CIRSR: variants seen among roughly 807,000 people sequenced by gnomAD.
The protein encoded by CIRSR is CBF1 (RBPJ) interacting corepressor 1.
chr2:174,349,341 C>T, the CIRSR span, among the ~76,000 whole-genome samples: 1 of 151,690 alleles, frequency 6.6e-6, no homozygotes, highest in Non-Finnish European at 1.5e-5. Flanking sequence ...CCACGGCGGG[C>T]GGATCACAAG....
chr2:174,390,566 T>C, the CIRSR span, among the ~76,000 whole-genome samples: 1 of 152,168 alleles, frequency 6.6e-6, no homozygotes, highest in Non-Finnish European at 1.5e-5. Context: ...CTTTGGTTGT[T>C]AAGGGCAGGA....
At chr2:174,387,039 ATTTCTT>A in the CIRSR span, among the ~76,000 whole-genome samples, 1 of 152,212 alleles carries the variant, frequency 6.6e-6, no homozygotes, top group Non-Finnish European at 1.5e-5. Context: ...CTTAACTTTT[ATTTCTT>A]TAACTTTCCT....
the CIRSR span, among the ~76,000 whole-genome samples, chr2:174,389,599 G>C: frequency 2.0e-5 from 3 of 152,112 alleles, no homozygotes; most frequent in African/African-American, 7.2e-5. Context: ...AATTCAAGCC[G>C]GCTGCAGAAA....
the CIRSR span, among the ~76,000 whole-genome samples, chr2:174,384,551 AT>A: frequency 6.6e-6 from 1 of 152,274 alleles, no homozygotes; most frequent in African/African-American, 2.4e-5. Context: ...CAGACAAACC[AT>A]TTCATTTATA....
At chr2:174,388,258 G>A in the CIRSR span, among the ~76,000 whole-genome samples, 2 of 152,210 alleles carry the variant, frequency 1.3e-5, no homozygotes, top group East Asian at 3.8e-4. Context: ...GAGTGCAATG[G>A]CATGATCTTG....
chr2:174,390,020 C>T, the CIRSR span, among the ~76,000 whole-genome samples: 10 of 152,328 alleles, frequency 6.6e-5, no homozygotes, highest in South Asian at 2.1e-4. Flanking sequence ...TAGGGCAGTG[C>T]GGAAGGGAAA....
chr2:174,351,780 G>A, the CIRSR span: 39 of 1,382,742 alleles, frequency 2.8e-5, no homozygotes, highest in East Asian at 7.7e-4. Flanking sequence ...TACCTTTTTC[G>A]GACTCCACAG....
At chr2:174,375,734 C>G in the CIRSR span, among the ~76,000 whole-genome samples, 2 of 152,130 alleles carry the variant, frequency 1.3e-5, no homozygotes, top group East Asian at 3.8e-4. Flanking sequence ...GTTTTCATTC[C>G]TTTGGTTATT....
At chr2:174,383,691 G>C in the CIRSR span, among the ~76,000 whole-genome samples, 1 of 142,006 alleles carries the variant, frequency 7.0e-6, no homozygotes, top group Non-Finnish European at 1.5e-5. Flanking sequence ...CTGCACTCCA[G>C]GCTGGGTGAT....
chr2:174,367,389 C>T, the CIRSR span, among the ~76,000 whole-genome samples: 1,178 of 152,188 alleles, frequency 7.7e-3, 12 homozygotes, highest in Non-Finnish European at 9.2e-3. Context: ...ACCATCCTGG[C>T]TAACACAGTG....
At chr2:174,351,524 G>C in the CIRSR span, 2 of 977,406 alleles carry the variant, frequency 2.0e-6, no homozygotes, top group East Asian at 2.6e-5. Context: ...CTTTCCTATG[G>C]ATATATGCAT....
At chr2:174,348,815 C>T in the CIRSR span, 2 of 1,614,168 alleles carry the variant, frequency 1.2e-6, no homozygotes, top group Non-Finnish European at 1.7e-6. Flanking sequence ...TGCTGTCCTC[C>T]CTAGAACTCT....
chr2:174,381,330 G>C, the CIRSR span, among the ~76,000 whole-genome samples: 114,473 of 152,084 alleles, frequency 0.75, 43,206 homozygotes, highest in South Asian at 0.85. Flanking sequence ...ACTTTTCCAT[G>C]TTTAGCTGCA....
At chr2:174,364,114 G>A in the CIRSR span, among the ~76,000 whole-genome samples, 1 of 152,148 alleles carries the variant, frequency 6.6e-6, no homozygotes, top group South Asian at 2.1e-4. Context: ...ACAGGTATTG[G>A]CTAAATTCAG....
At chr2:174,351,972 A>C in the CIRSR span, 1 of 328,512 alleles carries the variant, frequency 3.0e-6, no homozygotes. Flanking sequence ...TCATATTGAA[A>C]AAGATACATT....
chr2:174,395,598 T>G, the CIRSR span: 2 of 1,614,208 alleles, frequency 1.2e-6, no homozygotes, highest in Non-Finnish European at 1.7e-6. Context: ...TTCTTGCACA[T>G]GAAGTTGGCG....
At chr2:174,388,759 G>T in the CIRSR span, among the ~76,000 whole-genome samples, 2 of 151,934 alleles carry the variant, frequency 1.3e-5, no homozygotes, top group Admixed American at 6.6e-5. Flanking sequence ...ATATGGTTTG[G>T]CTGTGTCCCC....
the CIRSR span, among the ~76,000 whole-genome samples, chr2:174,363,833 T>C: frequency 1.3e-5 from 2 of 152,054 alleles, no homozygotes; most frequent in Non-Finnish European, 2.9e-5. Context: ...TCCCACTGGG[T>C]CCCTCCCATA....
At chr2:174,376,042 G>T in the CIRSR span, among the ~76,000 whole-genome samples, 2 of 152,102 alleles carry the variant, frequency 1.3e-5, no homozygotes, top group East Asian at 3.9e-4. Context: ...TGTATTTTTT[G>T]TAGAGATGGG....
Sources: gnomAD v4.1 joint callset for allele counts (sites outside exome capture counted in the v4.1 genomes callset) on GRCh38, gnomAD v4.1.1 for gene constraint, MANE v1.5 for transcripts, NCBI Gene and HGNC (gene_info 2026-07-23, HGNC 2026-07-21) for gene names.